SNX29: variants seen among roughly 807,000 people sequenced by gnomAD.
SNX29 encodes the protein sorting nexin-29.
A neutral mutation model predicts 102.1 loss-of-function variants in SNX29; 78 were observed. The observed-to-expected ratio is 0.76, with a 90% CI of 0.64 to 0.92. The LOEUF is 0.92. SNX29 is among the 40% of genes least tolerant of loss of function. The probability of loss-of-function intolerance (pLI) is 0.00; values close to 1 mark genes in which losing one functional copy is unlikely to be tolerated. For synonymous variants in SNX29, 580 were observed against 414.5 expected (o/e 1.40, Z -4.85); for missense variants, 1,280 against 1,061.7 (o/e 1.21, Z -2.86).
chr16:12,105,260 CTG>C (rs1292915916), intron 11 of SNX29, among the ~76,000 whole-genome samples: 1 of 137,918 alleles, frequency 7.3e-6, no homozygotes, highest in Non-Finnish European at 1.6e-5. Context: ...TTGTCTCACT[CTG>C]TCGCTAGGCT....
At chr16:12,369,113 G>C (rs2082590386) in intron 16 of SNX29, among the ~76,000 whole-genome samples, 1 of 151,786 alleles carries the variant, frequency 6.6e-6, no homozygotes, top group Non-Finnish European at 1.5e-5. Flanking sequence ...CTCCTGCCTG[G>C]TATGCATGTT....
rs763231067 is a variant in SNX29 at position 12,048,381 on chromosome 16, C to T, written c.509C>T (p.Ser170Phe). ...MLPTMAAGLN[S>F]ILFAINIDNK... ...CCCTTTTTTTGGGCAGGTCTGAACT[C>T]CATACTCTTTGCGATTAACATCGAC... Residue 170 changes from serine (S) to phenylalanine (F), a missense_variant, in exon 7 of 21, where the codon TCC becomes TTC. Transcript: ENST00000566228. 6.2e-7 allele frequency: 1 copy of T among 1,613,904 alleles called. No homozygotes were observed. Among genetic ancestry groups the T allele is most frequent in the Non-Finnish European group, 8.5e-7 (1 of 1,179,858 alleles).
At chr16:12,443,234 C>T (rs1381452147) in intron 18 of SNX29, 2 of 326,772 alleles carry the variant, frequency 6.1e-6, no homozygotes, top group East Asian at 8.1e-5. Context: ...GGCACTGAGA[C>T]ATCAGAGCAG....
In SNX29 at chr16:12,078,719, C is replaced by G. The variant is rs888921645; in HGVS notation, c.1320-114C>G. 19 of 853,360 alleles carry G rather than the reference C, an allele frequency of 2.2e-5. No individual in the cohort carries two copies. The South Asian group carries it at 2.6e-4, about 12-fold the overall frequency. The allele number at this position is 853,360 out of a possible 1,614,324, so 52.9% of individuals were successfully genotyped here. A position where few individuals can be genotyped will look rare whatever the true frequency, so the allele number is the denominator to read the frequency against. On this transcript the variant is annotated intron_variant, in intron 10 of 20. Coordinates refer to ENST00000566228, the MANE Select transcript of SNX29 (RefSeq NM_032167.5). The stretch of plus-strand genomic sequence containing the variant: ...CCTGACTAATTTCCAATGACTGCCT[C>G]TATCCCTTCTAGTAGAGGTACCGGA...
intron 19 of SNX29, among the ~76,000 whole-genome samples, chr16:12,494,853 C>T (rs1052425531): frequency 2.0e-5 from 3 of 152,214 alleles, no homozygotes; most frequent in Non-Finnish European, 4.4e-5. Context: ...TTTTCCTATC[C>T]GCAGAAAATA....
intron 18 of SNX29, among the ~76,000 whole-genome samples, chr16:12,469,324 G>C (rs1485072553): frequency 6.6e-6 from 1 of 152,222 alleles, no homozygotes; most frequent in African/African-American, 2.4e-5. Context: ...TGTTCTAGCA[G>C]TGAGGACACT....
intron 16 of SNX29, among the ~76,000 whole-genome samples, chr16:12,364,428 T>C (rs1013897901): frequency 6.6e-6 from 1 of 151,968 alleles, no homozygotes; most frequent in African/African-American, 2.4e-5. Flanking sequence ...TTTTTTTTTT[T>C]TTTACTGTGA....
intron 15 of SNX29, among the ~76,000 whole-genome samples, chr16:12,350,409 C>A (rs1235033218): frequency 2.6e-5 from 4 of 152,128 alleles, no homozygotes; most frequent in Non-Finnish European, 2.9e-5. Flanking sequence ...TGTGTAGGTT[C>A]TATTGCAGAT....
chr16:12,498,858 G>T (rs2151886660), intron 19 of SNX29, among the ~76,000 whole-genome samples: 1 of 152,304 alleles, frequency 6.6e-6, no homozygotes, highest in African/African-American at 2.4e-5. Flanking sequence ...CTTGAAAGAT[G>T]AGGATGTAAG....
chr16:12,363,762 G>A (rs1191085695), intron 16 of SNX29, among the ~76,000 whole-genome samples: 2 of 152,152 alleles, frequency 1.3e-5, no homozygotes, highest in Non-Finnish European at 2.9e-5. Flanking sequence ...TATAATGCAG[G>A]TTGAGTAGCT....
intron 18 of SNX29, among the ~76,000 whole-genome samples, chr16:12,429,413 G>C (rs1328821822): frequency 6.6e-6 from 1 of 152,176 alleles, no homozygotes; most frequent in South Asian, 2.1e-4. Context: ...GTAAACGTCT[G>C]TGTTCTGCTT....
At position 12,568,706 on chromosome 16, in the gene SNX29, A is replaced by AC. The variant is rs2079117679; in HGVS notation, c.*79dup. 46 of 1,550,688 alleles carry AC rather than the reference A, an allele frequency of 3.0e-5. No homozygotes were observed. Among genetic ancestry groups the AC allele is most frequent in the Non-Finnish European group, 4.0e-5 (46 of 1,153,808 alleles). On this transcript the variant is annotated 3_prime_UTR_variant, in exon 21 of 21. Coordinates refer to ENST00000566228, the MANE Select transcript of SNX29 (RefSeq NM_032167.5). The stretch of plus-strand genomic sequence containing the variant: ...CCCCAGCCACTGCCGCTGGCCCCTC[A>AC]CCTCAGCGTGACAACCACGTCCACC...
intron 9 of SNX29, among the ~76,000 whole-genome samples, chr16:12,064,109 C>G (rs1342139913): frequency 6.6e-6 from 1 of 152,088 alleles, no homozygotes; most frequent in Non-Finnish European, 1.5e-5. Flanking sequence ...TAGTTGGGTT[C>G]TTGAATTATT....
At chr16:12,394,538 G>A (rs1228142294) in intron 16 of SNX29, among the ~76,000 whole-genome samples, 4 of 152,174 alleles carry the variant, frequency 2.6e-5, no homozygotes, top group Non-Finnish European at 2.9e-5. Flanking sequence ...TCTGTGGGCC[G>A]ACTGGGCTCA....
At chr16:12,554,861 A>T (rs1330700129) in intron 20 of SNX29, among the ~76,000 whole-genome samples, 6 of 152,178 alleles carry the variant, frequency 3.9e-5, no homozygotes, top group Non-Finnish European at 7.3e-5. Context: ...GTGCTCAGGA[A>T]AGAGGACAAA....
At chr16:12,405,114 T>C (rs2084108582) in intron 18 of SNX29, among the ~76,000 whole-genome samples, 1 of 152,214 alleles carries the variant, frequency 6.6e-6, no homozygotes, top group Non-Finnish European at 1.5e-5. Flanking sequence ...TATTTGACCC[T>C]TCAAGTTCTG....
chr16:12,133,281 GTTTTTTTTTTTT>G (rs57733463), intron 13 of SNX29, among the ~76,000 whole-genome samples: 2 of 66,866 alleles, frequency 3.0e-5, no homozygotes, highest in African/African-American at 1.2e-4. Context: ...CTTAGTGTGG[GTTTTTTTTTTTT>G]TTTTTTTTTT....
intron 14 of SNX29, among the ~76,000 whole-genome samples, chr16:12,266,640 G>A (rs186364289): frequency 1.4e-5 from 2 of 142,824 alleles, no homozygotes; most frequent in African/African-American, 5.3e-5. Context: ...GATGGCGTGT[G>A]TCTCTGCCCA....
chr16:12,146,865 T>G (rs1222677401), intron 13 of SNX29, among the ~76,000 whole-genome samples: 1 of 152,200 alleles, frequency 6.6e-6, no homozygotes, highest in African/African-American at 2.4e-5. Context: ...GCCATATAAA[T>G]TTCTTCATGA....
Sources: gnomAD v4.1 joint callset for allele counts (sites outside exome capture counted in the v4.1 genomes callset) on GRCh38, gnomAD v4.1.1 for gene constraint, MANE v1.5 for transcripts, NCBI Gene and HGNC (gene_info 2026-07-23, HGNC 2026-07-21) for gene names.